Variants in LRRIQ1 observed in about 807,000 individuals in gnomAD.
LRRIQ1 encodes leucine-rich repeat- and IQ domain-containing protein 1.
LRRIQ1 carries 210 observed loss-of-function variants against 211.9 expected under a neutral mutation model. That is an observed-to-expected ratio of 0.99 (90% CI 0.89 to 1.11). The LOEUF (loss-of-function observed/expected upper bound fraction) is 1.11. Ranked by LOEUF, LRRIQ1 falls within the 50% of genes most tolerant of loss-of-function variation. LRRIQ1 has a pLI of 0.00. For synonymous variants in LRRIQ1, 699 were observed against 650.1 expected (o/e 1.08, Z -1.14); for missense variants, 2,136 against 1,939.5 (o/e 1.10, Z -1.90).
chr12:85,065,129 A>G (rs1411649882), intron 8 of LRRIQ1, 133 bp from the exon 9 acceptor site: 13 of 666,842 alleles, frequency 1.9e-5, no homozygotes, highest in Non-Finnish European at 2.9e-5. Flanking sequence ...TTGAGTTGTT[A>G]ATAAATGTAG....
At chr12:85,140,231 A>T (rs1399869769) in intron 19 of LRRIQ1, among the ~76,000 whole-genome samples, 1 of 151,300 alleles carries the variant, frequency 6.6e-6, no homozygotes, top group East Asian at 1.9e-4. Context: ...TCAATGTGGA[A>T]AATACTATTT....
intron 15 of LRRIQ1, among the ~76,000 whole-genome samples, chr12:85,109,453 G>C (rs566715088): frequency 6.6e-6 from 1 of 152,154 alleles, no homozygotes; most frequent in South Asian, 2.1e-4. Flanking sequence ...GTTTCTAATA[G>C]TACAATGTTA....
intron 3 of LRRIQ1, among the ~76,000 whole-genome samples, chr12:85,042,642 CATT>C (rs963337753): frequency 5.3e-5 from 8 of 150,242 alleles, no homozygotes; most frequent in African/African-American, 1.9e-4. Flanking sequence ...TTATTTATTA[CATT>C]ATTTGTTACA....
chr12:85,151,218 T>C (rs1351677530), intron 19 of LRRIQ1, among the ~76,000 whole-genome samples: 1 of 151,590 alleles, frequency 6.6e-6, no homozygotes, highest in East Asian at 1.9e-4. Flanking sequence ...AGAGGCACAC[T>C]ATTTACATAA....
chr12:85,182,024 A>G (rs141881053), intron 24 of LRRIQ1, among the ~76,000 whole-genome samples: 63 of 152,164 alleles, frequency 4.1e-4, no homozygotes, highest in African/African-American at 1.5e-3. Flanking sequence ...AGTAATTTAT[A>G]TATCTGAAGT....
At position 85,153,161 on chromosome 12, in the gene LRRIQ1, G is replaced by A. The variant is rs747824701; in HGVS notation, c.4541+16G>A. On this transcript the variant is annotated intron_variant, in intron 21 of 26. Coordinates refer to ENST00000393217, the MANE Select transcript of LRRIQ1 (RefSeq NM_001079910.2). ...TTAATAGCAGGTAAGCTAAACTATT[G>A]TTTTAGAGAATCAACTTGTGAATGA... is the stretch of plus-strand genomic sequence containing the variant. The A allele has an allele frequency of 1.3e-6, 2 of 1,574,346 alleles. No individual in the cohort carries two copies. Among genetic ancestry groups the A allele is most frequent in the Non-Finnish European group, 1.7e-6 (2 of 1,161,626 alleles).
intron 24 of LRRIQ1, among the ~76,000 whole-genome samples, chr12:85,224,348 C>G (rs1278623143): frequency 6.6e-6 from 1 of 150,384 alleles, no homozygotes; most frequent in Admixed American, 6.6e-5. Flanking sequence ...CAATCTAGAA[C>G]CAGAAATACC....
chr12:85,228,356 G>C (rs978528893), intron 24 of LRRIQ1, among the ~76,000 whole-genome samples: 11 of 152,140 alleles, frequency 7.2e-5, no homozygotes, highest in Non-Finnish European at 1.3e-4. Flanking sequence ...TCTGCTCATG[G>C]ATTCAATGGC....
At chr12:85,194,729 C>T (rs1018962243) in intron 24 of LRRIQ1, among the ~76,000 whole-genome samples, 12 of 151,598 alleles carry the variant, frequency 7.9e-5, no homozygotes, top group African/African-American at 2.9e-4. Flanking sequence ...AGGAAAGATC[C>T]AAAATTGACA....
At chr12:85,269,837 C>T in the LRRIQ1 span, among the ~76,000 whole-genome samples, 1 of 152,028 alleles carries the variant, frequency 6.6e-6, no homozygotes, top group East Asian at 1.9e-4. Context: ...ATACCATAGA[C>T]TTGATGGCTT....
Position 85,056,159 on chromosome 12 carries a change from A to T in LRRIQ1, c.1366A>T (p.Ile456Leu). 1 of 1,593,858 alleles carries T rather than the reference A, an allele frequency of 6.3e-7. No individual in the cohort carries two copies. Among genetic ancestry groups the T allele is most frequent in the South Asian group, 1.2e-5 (1 of 85,874 alleles). The change falls in exon 8 of 27, where the codon ATA becomes TTA. Residue 456 changes from isoleucine to leucine, a missense_variant. Ile to Leu is a conservative substitution (Grantham distance 5). Transcript: ENST00000393217. ...NMKENVDRQT[I>L]LKESIQVKLK... ...GAAAGAAAATGTAGATAGACAGACT[A>T]TATTAAAAGAATCAATACAAGTAAA...
chr12:85,047,996 C>CA, intron 6 of LRRIQ1: 2 of 143,790 alleles, frequency 1.4e-5, no homozygotes, highest in Non-Finnish European at 3.1e-5. Flanking sequence ...GTTGTTTTCC[C>CA]CCTAGGAGAT....
At chr12:85,057,595 A>G (rs1377163457) in intron 8 of LRRIQ1, among the ~76,000 whole-genome samples, 2 of 152,092 alleles carry the variant, frequency 1.3e-5, no homozygotes, top group Non-Finnish European at 2.9e-5. Context: ...TTTTATGTCC[A>G]TGACCACTGT....
At chr12:85,138,177 G>C (rs928631636) in intron 19 of LRRIQ1, among the ~76,000 whole-genome samples, 2 of 151,426 alleles carry the variant, frequency 1.3e-5, no homozygotes, top group African/African-American at 4.8e-5. Flanking sequence ...TTACAAGAGC[G>C]TCTTTGTGCC....
intron 24 of LRRIQ1, among the ~76,000 whole-genome samples, chr12:85,197,831 AT>A (rs1345795724): frequency 1.3e-4 from 18 of 140,944 alleles, no homozygotes; most frequent in Admixed American, 1.2e-3. Context: ...TAATAAAAAA[AT>A]AAAAAATATT....
chr12:85,067,504 T>G (rs991112247), intron 10 of LRRIQ1, among the ~76,000 whole-genome samples: 21 of 151,890 alleles, frequency 1.4e-4, no homozygotes, highest in African/African-American at 4.3e-4. Context: ...ATTTTTTGTT[T>G]TAGCAATTTT....
chr12:85,112,104 A>G (rs1887219735), intron 15 of LRRIQ1, among the ~76,000 whole-genome samples: 1 of 152,018 alleles, frequency 6.6e-6, no homozygotes, highest in South Asian at 2.1e-4. Flanking sequence ...ATGATTTCTA[A>G]AAACATCTGA....
At chr12:85,089,057 G>C (rs560305108) in intron 11 of LRRIQ1, among the ~76,000 whole-genome samples, 2 of 152,160 alleles carry the variant, frequency 1.3e-5, no homozygotes. Context: ...TGCCCATTCA[G>C]TGTGATATTG....
intron 24 of LRRIQ1, chr12:85,162,722 T>G (rs1565878547): frequency 2.2e-6 from 1 of 454,764 alleles, no homozygotes; most frequent in East Asian, 7.0e-5. Context: ...ACATAAGCTT[T>G]ACGATGTGAT....
Sources: gnomAD v4.1 joint callset for allele counts (sites outside exome capture counted in the v4.1 genomes callset) on GRCh38, gnomAD v4.1.1 for gene constraint, MANE v1.5 for transcripts, NCBI Gene and HGNC (gene_info 2026-07-23, HGNC 2026-07-21) for gene names.